The following NR6A1 variants were observed in gnomAD, a reference collection of about 807,000 sequenced individuals.
The protein encoded by NR6A1 is retinoic acid receptor-related testis-associated receptor.
In NR6A1, 7 loss-of-function variants were observed where a neutral mutation model predicts 59.1. The ratio of observed to expected loss-of-function variants is 0.12; its 90% CI spans 0.07 to 0.22. NR6A1 has a LOEUF of 0.22. Among genes scored for constraint, NR6A1 ranks in the 10% least tolerant of loss-of-function variants. The pLI is 1.00. For missense variants in NR6A1, 468 were observed against 611.6 expected (o/e 0.77, Z 2.48); for synonymous variants, 243 against 236.1 (o/e 1.03, Z -0.27).
chr9:124,660,664 A>C (rs2130941029), intron 2 of NR6A1, among the ~76,000 whole-genome samples: 1 of 151,700 alleles, frequency 6.6e-6, no homozygotes, highest in South Asian at 2.1e-4. Flanking sequence ...AAAAAAAAAA[A>C]AAAAGGCAAC....
intron 2 of NR6A1, among the ~76,000 whole-genome samples, chr9:124,630,808 G>A (rs1588723687): frequency 6.7e-6 from 1 of 149,764 alleles, no homozygotes; most frequent in Admixed American, 6.7e-5. Flanking sequence ...CCTCCCGAGT[G>A]GCTGGGATTA....
chr9:124,539,947 A>G, intron 5 of NR6A1, 86 bp downstream of exon 5: 1 of 1,426,380 alleles, frequency 7.0e-7, no homozygotes, highest in Non-Finnish European at 9.3e-7. Flanking sequence ...ACAGCCTGGC[A>G]GGGATACTCA....
At position 124,517,772 on chromosome 9, in the gene NR6A1, T is replaced by A. The variant is rs775394507; in HGVS notation, c.*4933A>T. 1 of 152,000 alleles carries A rather than the reference T, an allele frequency of 6.6e-6. No individual in the cohort carries two copies. The highest frequency in any genetic ancestry group is 1.9e-4 in the East Asian group (1 of 5,148). The allele number at this position is 152,000 out of a possible 1,614,324, so 9.4% of individuals were successfully genotyped here. On this transcript the variant is annotated 3_prime_UTR_variant, in exon 10 of 10. Coordinates refer to ENST00000487099, the MANE Select transcript of NR6A1 (RefSeq NM_033334.4). ...GGAATCCCCAGACACAGCCCAGACA[T>A]CACAATGCAGCCACCAGCCCCTATG...
At chr9:124,558,839 ACCC>A (rs1833998529) in intron 2 of NR6A1, among the ~76,000 whole-genome samples, 2 of 151,412 alleles carry the variant, frequency 1.3e-5, no homozygotes, top group African/African-American at 4.9e-5. Context: ...CCAACCAACC[ACCC>A]AACCAACCAA....
At chr9:124,537,431 G>A (rs746485447) in intron 6 of NR6A1, among the ~76,000 whole-genome samples, 1 of 152,106 alleles carries the variant, frequency 6.6e-6, no homozygotes, top group Non-Finnish European at 1.5e-5. Context: ...CTCCTTGTGG[G>A]TAGATATTTT....
chr9:124,712,785 C>T (rs1258040515), intron 2 of NR6A1, among the ~76,000 whole-genome samples: 2 of 152,152 alleles, frequency 1.3e-5, no homozygotes, highest in African/African-American at 4.8e-5. Flanking sequence ...CATTAAAAGG[C>T]TAGCCTGAGT....
intron 1 of NR6A1, among the ~76,000 whole-genome samples, chr9:124,750,746 C>T (rs766622393): frequency 3.3e-5 from 5 of 150,940 alleles, no homozygotes; most frequent in Non-Finnish European, 7.4e-5. Flanking sequence ...GGTGACAGAG[C>T]GAAACTCCGT....
chr9:124,762,105 G>A (rs542399922), intron 1 of NR6A1, among the ~76,000 whole-genome samples: 6 of 152,200 alleles, frequency 3.9e-5, no homozygotes, highest in African/African-American at 9.6e-5. Context: ...TACACATTTC[G>A]TTAGTTCATT....
intron 2 of NR6A1, among the ~76,000 whole-genome samples, chr9:124,596,426 T>C (rs1835275354): frequency 6.6e-6 from 1 of 152,198 alleles, no homozygotes; most frequent in African/African-American, 2.4e-5. Context: ...TTTGCAGGGC[T>C]TACTTTAACT....
chr9:124,596,888 C>G (rs74358202), intron 2 of NR6A1, among the ~76,000 whole-genome samples: 1,699 of 152,304 alleles, frequency 0.011, 29 homozygotes, highest in African/African-American at 0.039. Context: ...GGAATGTCCC[C>G]AAGAGAAACT....
intron 2 of NR6A1, among the ~76,000 whole-genome samples, chr9:124,651,677 T>C (rs1252514809): frequency 6.6e-6 from 1 of 152,188 alleles, no homozygotes; most frequent in Non-Finnish European, 1.5e-5. Flanking sequence ...AGTTCTACTA[T>C]ATATACGGTT....
In NR6A1 at chr9:124,723,800, T is replaced by G. The variant is rs1006755654; in HGVS notation, c.142+9508A>C. On this transcript the variant is annotated intron_variant, in intron 2 of 9. Coordinates refer to ENST00000487099, the MANE Select transcript of NR6A1 (RefSeq NM_033334.4). Reference sequence around the variant, plus strand: ...AATACATTTTACTGTCCTCATTTCATAGATGAGAAAAGGAAGGCAGAGAGT... The same window carrying G: ...AATACATTTTACTGTCCTCATTTCAGAGATGAGAAAAGGAAGGCAGAGAGT... Among the ~76,000 whole-genome samples, 14 of 152,180 alleles carry G rather than the reference T, an allele frequency of 9.2e-5. 1 individual carries two copies. The highest frequency in any genetic ancestry group is 1.9e-4 in the Non-Finnish European group (13 of 68,032).
At chr9:124,726,365 A>T (rs1839718535) in intron 2 of NR6A1, among the ~76,000 whole-genome samples, 1 of 152,208 alleles carries the variant, frequency 6.6e-6, no homozygotes, top group South Asian at 2.1e-4. Context: ...TTTCTCATGT[A>T]ATGTATTTTG....
intron 7 of NR6A1, among the ~76,000 whole-genome samples, chr9:124,529,795 G>A (rs1220462334): frequency 3.3e-5 from 5 of 152,098 alleles, no homozygotes; most frequent in East Asian, 1.9e-4. Flanking sequence ...TGCAGGAGGC[G>A]GTGTGCCTGG....
intron 2 of NR6A1, among the ~76,000 whole-genome samples, chr9:124,653,915 G>A (rs917076897): frequency 1.3e-5 from 2 of 152,082 alleles, no homozygotes; most frequent in African/African-American, 4.8e-5. Flanking sequence ...ATTATGTGCC[G>A]AGGACATATG....
intron 1 of NR6A1, among the ~76,000 whole-genome samples, chr9:124,733,704 C>T (rs1839946498): frequency 2.0e-5 from 3 of 152,180 alleles, no homozygotes; most frequent in Admixed American, 1.3e-4. Context: ...AGGAAAATTA[C>T]AATTCATTTA....
chr9:124,601,494 G>A (rs1835446745), intron 2 of NR6A1, among the ~76,000 whole-genome samples: 1 of 149,678 alleles, frequency 6.7e-6, no homozygotes, highest in African/African-American at 2.5e-5. Context: ...TGAGGCAGGA[G>A]AATGGCGTGA....
chr9:124,664,283 G>A (rs934903342), intron 2 of NR6A1, among the ~76,000 whole-genome samples: 2 of 152,166 alleles, frequency 1.3e-5, no homozygotes, highest in East Asian at 3.8e-4. Flanking sequence ...AGCAAACAGC[G>A]GAAGTGTAAG....
chr9:124,600,886 A>C (rs1046728695), intron 2 of NR6A1, among the ~76,000 whole-genome samples: 1 of 152,140 alleles, frequency 6.6e-6, no homozygotes, highest in African/African-American at 2.4e-5. Flanking sequence ...GAAGGAATAA[A>C]GACGATCTCA....
Sources: allele counts gnomAD v4.1 joint callset (sites outside exome capture counted in the v4.1 genomes callset), GRCh38; gene constraint gnomAD v4.1.1; transcripts MANE v1.5; gene names NCBI Gene and HGNC (gene_info 2026-07-23, HGNC 2026-07-21).